Variants in SH3BGRL observed in about 807,000 individuals in gnomAD.
SH3BGRL encodes SH3 domain binding glutamate rich protein like.
SH3BGRL carries 7 observed loss-of-function variants against 9.8 expected under a neutral mutation model. The ratio of observed to expected loss-of-function variants is 0.72; its 90% CI spans 0.41 to 1.35. The LOEUF (loss-of-function observed/expected upper bound fraction) is 1.35. SH3BGRL is among the 40% of genes most tolerant of loss of function. SH3BGRL has a pLI of 0.01. For missense variants in SH3BGRL, 73 were observed against 84.4 expected (o/e 0.86, Z 0.53); for synonymous variants, 36 against 29.1 (o/e 1.24, Z -0.76).
chrX:81,297,100 TTAG>T, intron 3 of SH3BGRL, 92 bp from the exon 4 acceptor site: 1 of 676,577 alleles, frequency 1.5e-6, no homozygotes, highest in Non-Finnish European at 2.3e-6. Context: ...TTGTTTATTC[TTAG>T]TAGTTGGAAC....
chrX:81,284,113 G>C (rs1271402628), intron 3 of SH3BGRL, among the ~76,000 whole-genome samples: 2 of 109,869 alleles, frequency 1.8e-5, no homozygotes, highest in Non-Finnish European at 3.8e-5. Context: ...TAACCAAGGA[G>C]TAGAAAGACC....
At chrX:81,239,404 G>GT (rs1462165563) in intron 1 of SH3BGRL, among the ~76,000 whole-genome samples, 2 of 112,256 alleles carry the variant, frequency 1.8e-5, no homozygotes, top group African/African-American at 6.5e-5. Context: ...ATGCATCAGA[G>GT]TTTTTTAATA....
intron 3 of SH3BGRL, among the ~76,000 whole-genome samples, chrX:81,279,615 G>A (rs913146143): frequency 9.0e-6 from 1 of 111,217 alleles, no homozygotes; most frequent in South Asian, 3.8e-4. Flanking sequence ...AACTTTACCT[G>A]GAGCTGAGTC....
chrX:81,250,768 A>C (rs1009472034), intron 1 of SH3BGRL, among the ~76,000 whole-genome samples: 1 of 112,110 alleles, frequency 8.9e-6, no homozygotes, highest in African/African-American at 3.2e-5. Context: ...TTTTCTCAGC[A>C]AATACTATTC....
At chrX:81,226,719 G>A (rs1168925794) in intron 1 of SH3BGRL, among the ~76,000 whole-genome samples, 1 of 108,814 alleles carries the variant, frequency 9.2e-6, no homozygotes, top group Non-Finnish European at 1.9e-5. Flanking sequence ...AAGGGAAATA[G>A]GAGGTATGAT....
intron 1 of SH3BGRL, among the ~76,000 whole-genome samples, chrX:81,225,900 C>T (rs1379932141): frequency 9.0e-6 from 1 of 111,504 alleles, no homozygotes; most frequent in African/African-American, 3.3e-5. Flanking sequence ...TTCTTTTTAC[C>T]TCACATAGCT....
At chrX:81,226,852 A>C (rs1023384488) in intron 1 of SH3BGRL, among the ~76,000 whole-genome samples, 5 of 110,774 alleles carry the variant, frequency 4.5e-5, no homozygotes, top group Non-Finnish European at 9.5e-5. Flanking sequence ...AGAAGGAAAG[A>C]GTTTTACCAC....
intron 3 of SH3BGRL, among the ~76,000 whole-genome samples, chrX:81,280,204 G>T (rs1157995596): frequency 9.1e-6 from 1 of 109,817 alleles, no homozygotes; most frequent in Non-Finnish European, 1.9e-5. Flanking sequence ...GCTCAGACAT[G>T]CCCAGCCCCT....
intron 3 of SH3BGRL, among the ~76,000 whole-genome samples, chrX:81,296,855 TTAAG>T (rs1480424755): frequency 3.6e-5 from 4 of 111,630 alleles, no homozygotes; most frequent in African/African-American, 1.3e-4. Flanking sequence ...AATTTTAAAC[TTAAG>T]TAACCATGTT....
chrX:81,280,774 C>T (rs1368184088), intron 3 of SH3BGRL, among the ~76,000 whole-genome samples: 1 of 110,906 alleles, frequency 9.0e-6, no homozygotes, highest in Non-Finnish European at 1.9e-5. Flanking sequence ...TCAACATCTG[C>T]AAAAAAATCA....
intron 1 of SH3BGRL, among the ~76,000 whole-genome samples, chrX:81,212,715 C>T (rs1015437568): frequency 1.8e-5 from 2 of 111,211 alleles, no homozygotes; most frequent in African/African-American, 3.3e-5. Context: ...GAGTTGAACT[C>T]GAGAAGTAAA....
chrX:81,220,314 C>T (rs1032530399), intron 1 of SH3BGRL, among the ~76,000 whole-genome samples: 1 of 111,352 alleles, frequency 9.0e-6, no homozygotes, highest in Admixed American at 9.5e-5. Flanking sequence ...TTTGTCTGCT[C>T]AGGTTTTGGA....
At chrX:81,267,647 G>A (rs2075762231) in intron 1 of SH3BGRL, among the ~76,000 whole-genome samples, 1 of 111,543 alleles carries the variant, frequency 9.0e-6, no homozygotes, top group Non-Finnish European at 1.9e-5. Context: ...ATATTCATCA[G>A]GGATATTGGC....
chrX:81,293,196 C>T (rs2075863690), intron 3 of SH3BGRL, among the ~76,000 whole-genome samples: 1 of 112,232 alleles, frequency 8.9e-6, no homozygotes, highest in African/African-American at 3.2e-5. Flanking sequence ...TTTTCTCTTG[C>T]TGCCACTGTG....
intron 3 of SH3BGRL, among the ~76,000 whole-genome samples, chrX:81,285,028 A>G (rs761764447): frequency 1.9e-3 from 212 of 111,280 alleles, no homozygotes; most frequent in African/African-American, 6.6e-3. Flanking sequence ...ATTGACAATG[A>G]ACATGAAGAG....
At chrX:81,225,656 C>T (rs2075614513) in intron 1 of SH3BGRL, among the ~76,000 whole-genome samples, 1 of 111,114 alleles carries the variant, frequency 9.0e-6, no homozygotes. Context: ...TCCAATCATC[C>T]ACTGATGGAC....
At chrX:81,251,798 A>G (rs1320387462) in intron 1 of SH3BGRL, among the ~76,000 whole-genome samples, 1 of 112,114 alleles carries the variant, frequency 8.9e-6, no homozygotes, top group Non-Finnish European at 1.9e-5. Context: ...CCTACAGGAT[A>G]TTGGGGGTAG....
chrX:81,280,447 G>T (rs1179358317), intron 3 of SH3BGRL, among the ~76,000 whole-genome samples: 1 of 111,700 alleles, frequency 9.0e-6, no homozygotes, highest in East Asian at 2.8e-4. Context: ...ACCAGACCAG[G>T]CACTGGTATG....
intron 1 of SH3BGRL, among the ~76,000 whole-genome samples, chrX:81,274,036 C>G (rs1396667221): frequency 1.8e-5 from 2 of 111,807 alleles, no homozygotes; most frequent in Non-Finnish European, 3.8e-5. Context: ...AATTCCTGGA[C>G]AGTGCATTGT....
Sources: gnomAD v4.1 joint callset for allele counts (sites outside exome capture counted in the v4.1 genomes callset) on GRCh38, gnomAD v4.1.1 for gene constraint, MANE v1.5 for transcripts, NCBI Gene and HGNC (gene_info 2026-07-23, HGNC 2026-07-21) for gene names.